The following COL4A4 variants were observed in gnomAD, a reference collection of about 807,000 sequenced individuals.
The protein encoded by COL4A4 is collagen alpha-4(IV) chain.
Under a neutral mutation model 192.9 loss-of-function variants are expected in COL4A4, and 105 were observed. That is an observed-to-expected ratio of 0.54 (90% CI 0.46 to 0.64). COL4A4 has a LOEUF of 0.64. COL4A4 is among the 30% of genes least tolerant of loss of function. The pLI is 0.00. For synonymous variants in COL4A4, 762 were observed against 769.9 expected, an observed-to-expected ratio of 0.99 and a Z score of 0.17; for missense variants, 1,967 against 2,169.3, an observed-to-expected ratio of 0.91 and a Z score of 1.85.
the COL4A4 span, chr2:226,995,924 G>A: frequency 9.1e-5 from 16 of 175,692 alleles, no homozygotes; most frequent in Non-Finnish European, 1.5e-4. Context: ...ACTTGGCAGC[G>A]GGTGTGGAGC....
chr2:227,012,281 AGGCTCTCCTTTGCACCCT>A lies in COL4A4; in HGVS notation c.4217-2_4232del. The A allele has an allele frequency of 6.2e-7, 1 of 1,614,058 alleles. No homozygotes were observed. Among genetic ancestry groups the A allele is most frequent in the South Asian group, 1.1e-5 (1 of 91,066 alleles). On this transcript the variant is annotated splice_acceptor_variant and coding_sequence_variant, in exon 45 of 48. Transcript: ENST00000396625. LOFTEE classifies it high-confidence loss of function. ...CCACACCCCTCCTGCCATCCAGCCC[AGGCTCTCCTTTGCACCCT>A]GCACAAAAGTTTATGATGCTGGTGG...
At chr2:227,109,745 C>CAA (rs1354853344) in intron 9 of COL4A4, among the ~76,000 whole-genome samples, 13 of 100,142 alleles carry the variant, frequency 1.3e-4, no homozygotes, top group African/African-American at 1.5e-4. Flanking sequence ...GACTCTGTCT[C>CAA]AAAAAAAAAA....
At chr2:227,131,526 C>A (rs1170643379) in intron 4 of COL4A4, among the ~76,000 whole-genome samples, 1 of 152,146 alleles carries the variant, frequency 6.6e-6, no homozygotes, top group Non-Finnish European at 1.5e-5. Context: ...TCTCTCTAGT[C>A]ACGTTTCAGT....
intron 46 of COL4A4, 121 bp downstream of exon 46, chr2:227,010,192 T>C (rs1340180618): frequency 3.7e-6 from 4 of 1,077,620 alleles, no homozygotes; most frequent in Non-Finnish European, 4.3e-6. Flanking sequence ...AGTGTTTTTG[T>C]TTTAAAAGTA....
chr2:226,995,588 C>A, the COL4A4 span: 1 of 1,087,086 alleles, frequency 9.2e-7, no homozygotes, highest in South Asian at 1.3e-5. Flanking sequence ...TTCCCCAAGC[C>A]CCTAATTCAT....
chr2:227,009,001 G>A (rs147481528), intron 46 of COL4A4, among the ~76,000 whole-genome samples: 179 of 152,292 alleles, frequency 1.2e-3, no homozygotes, highest in Non-Finnish European at 1.8e-3. Flanking sequence ...GAAGCAAGAC[G>A]GATGATGGTA....
the COL4A4 span, among the ~76,000 whole-genome samples, chr2:226,972,843 G>C: frequency 6.6e-6 from 1 of 150,800 alleles, no homozygotes; most frequent in Non-Finnish European, 1.5e-5. Context: ...TGGGTTATAG[G>C]TAAGTACACA....
At chr2:227,041,170 T>C (rs1414559903) in intron 37 of COL4A4, among the ~76,000 whole-genome samples, 2 of 152,150 alleles carry the variant, frequency 1.3e-5, no homozygotes, top group Non-Finnish European at 1.5e-5. Context: ...ACATATATTA[T>C]TAATGTCTTT....
the COL4A4 span, among the ~76,000 whole-genome samples, chr2:226,976,793 C>T: frequency 6.6e-6 from 1 of 152,210 alleles, no homozygotes; most frequent in Non-Finnish European, 1.5e-5. Flanking sequence ...AGTGAGGCCT[C>T]TTGGCCCTGG....
chr2:227,106,017 GA>G (rs2060817383), intron 12 of COL4A4, among the ~76,000 whole-genome samples: 1 of 147,652 alleles, frequency 6.8e-6, no homozygotes, highest in Non-Finnish European at 1.5e-5. Context: ...TTGATAGGTG[GA>G]ATTTTTAGAA....
chr2:227,161,871 G>T (rs2064862834), intron 1 of COL4A4, among the ~76,000 whole-genome samples: 1 of 151,802 alleles, frequency 6.6e-6, no homozygotes, highest in South Asian at 2.1e-4. Flanking sequence ...TTAGTACTGA[G>T]CTCAGAAGAG....
Position 227,077,887 on chromosome 2 carries a change from A to G in COL4A4, c.1987+7T>C, listed in dbSNP as rs1412662715. 1 of 1,610,854 alleles carries G rather than the reference A, an allele frequency of 6.2e-7. No homozygotes were observed. The highest frequency in any genetic ancestry group is 1.7e-5 in the Admixed American group (1 of 59,942). On this transcript the variant is annotated splice_region_variant and intron_variant, in intron 25 of 47. Coordinates refer to ENST00000396625, the MANE Select transcript of COL4A4 (RefSeq NM_000092.5). ...TATTGAAATAAATAAAATTTTTTTA[A>G]AATTACCTTTCTGACCCTTCAAGCC...
chr2:227,062,462 CT>C, intron 26 of COL4A4, 67 bp downstream of exon 26: 1 of 991,618 alleles, frequency 1.0e-6, no homozygotes, highest in East Asian at 2.4e-5. Flanking sequence ...CTTGGTTTAT[CT>C]GTCTGGCTGG....
chr2:227,059,263 C>T, intron 28 of COL4A4, 142 bp downstream of exon 28: 2 of 795,610 alleles, frequency 2.5e-6, no homozygotes, highest in Non-Finnish European at 4.5e-6. Context: ...GAAATGTAAC[C>T]AGCACCCCAA....
rs181405251 is a variant in COL4A4 at position 227,061,688 on chromosome 2, G to A, written c.2056+842C>T. 1.3e-4 allele frequency among the ~76,000 whole-genome samples: 20 copies of A among 152,286 alleles called. No individual in the cohort carries two copies. The East Asian group carries it at 2.7e-3, about 21-fold the overall frequency. On this transcript the variant is annotated intron_variant, in intron 26 of 47. Coordinates refer to ENST00000396625, the MANE Select transcript of COL4A4 (RefSeq NM_000092.5). ...GTCATTATTCATACTAGTAATGAAC[G>A]GGTAGGGAACTCTAAAGAAACAAAG...
rs142577283 is a variant in COL4A4, at chr2:227,132,976, C to T, written c.192+7185G>A. Among the ~76,000 whole-genome samples, 10 of 152,302 alleles carry T rather than the reference C, an allele frequency of 6.6e-5. No individual in the cohort carries two copies. The East Asian group carries it at 1.4e-3, about 21-fold the overall frequency. ...TTTGTACTAAAGAGGTATTCTTATA[C>T]TAAGTGCTTTCTATTTTCCTATATA... On this transcript the variant is annotated intron_variant, in intron 4 of 47. Coordinates refer to ENST00000396625, the MANE Select transcript of COL4A4 (RefSeq NM_000092.5).
intron 26 of COL4A4, among the ~76,000 whole-genome samples, chr2:227,060,866 TG>T (rs1314347261): frequency 6.6e-6 from 1 of 152,026 alleles, no homozygotes; most frequent in African/African-American, 2.4e-5. Context: ...TGGCTGGGAT[TG>T]CAGGCGCCCG....
At chr2:226,988,297 T>C in the COL4A4 span, 3 of 1,540,156 alleles carry the variant, frequency 1.9e-6, no homozygotes, top group Non-Finnish European at 2.6e-6. Flanking sequence ...TCCCCTGTCC[T>C]TCCCTTCCAC....
At chr2:227,162,286 C>A (rs1238213123) in intron 1 of COL4A4, among the ~76,000 whole-genome samples, 3 of 152,208 alleles carry the variant, frequency 2.0e-5, no homozygotes, top group Admixed American at 1.3e-4. Context: ...AGTCCTCCAA[C>A]AAAATGACTT....
Sources: allele counts gnomAD v4.1 joint callset (sites outside exome capture counted in the v4.1 genomes callset), GRCh38; gene constraint gnomAD v4.1.1; transcripts MANE v1.5; gene names NCBI Gene and HGNC (gene_info 2026-07-23, HGNC 2026-07-21).